The following CPA6 variants were observed in gnomAD, a reference collection of about 807,000 sequenced individuals.
CPA6 encodes the protein carboxypeptidase A6, also known as carboxypeptidase B.
Under a neutral mutation model 63.3 loss-of-function variants are expected in CPA6, and 58 were observed. That is an observed-to-expected ratio of 0.92 (90% confidence interval 0.74 to 1.14). The LOEUF is 1.14. Among genes scored for constraint, CPA6 ranks in the 50% most tolerant of loss-of-function variants. CPA6 has a pLI of 0.00. For missense variants in CPA6, 565 were observed against 526.6 expected, an observed-to-expected ratio of 1.07 and a Z score of -0.71; for synonymous variants, 185 against 179.0, an observed-to-expected ratio of 1.03 and a Z score of -0.27.
intron 1 of CPA6, among the ~76,000 whole-genome samples, chr8:67,627,915 G>C (rs1815229473): frequency 6.6e-6 from 1 of 152,202 alleles, no homozygotes; most frequent in African/African-American, 2.4e-5. Flanking sequence ...TTCTGAGCAT[G>C]TATGCACCTA....
At chr8:67,560,178 T>TATATATATATATATA (rs1564000623) in intron 2 of CPA6, among the ~76,000 whole-genome samples, 18 of 150,350 alleles carry the variant, frequency 1.2e-4, no homozygotes, top group Non-Finnish European at 1.5e-4. Flanking sequence ...TATATATATA[T>TATATATATATATATA]TCCAGATGTA....
chr8:67,514,185 T>C (rs1225262732), intron 3 of CPA6, among the ~76,000 whole-genome samples: 1 of 152,138 alleles, frequency 6.6e-6, no homozygotes, highest in Non-Finnish European at 1.5e-5. Context: ...CTTAAACTTC[T>C]GACCTTAGCT....
intron 1 of CPA6, among the ~76,000 whole-genome samples, chr8:67,629,852 A>T (rs1418963909): frequency 6.6e-6 from 1 of 152,002 alleles, no homozygotes; most frequent in Non-Finnish European, 1.5e-5. Flanking sequence ...CACACCTGTA[A>T]TCCCAGTACT....
intron 1 of CPA6, among the ~76,000 whole-genome samples, chr8:67,687,478 C>T (rs1236722755): frequency 2.0e-5 from 3 of 152,106 alleles, no homozygotes; most frequent in Non-Finnish European, 2.9e-5. Flanking sequence ...CAGACATGGA[C>T]TCATATGCAA....
At chr8:67,679,165 G>T (rs1816540873) in intron 1 of CPA6, among the ~76,000 whole-genome samples, 1 of 152,126 alleles carries the variant, frequency 6.6e-6, no homozygotes. Flanking sequence ...TCATTTAACA[G>T]AACACATATG....
intron 1 of CPA6, among the ~76,000 whole-genome samples, chr8:67,653,173 G>T (rs1157569495): frequency 6.6e-6 from 1 of 150,524 alleles, no homozygotes; most frequent in African/African-American, 2.4e-5. Flanking sequence ...GTCAGGTAGT[G>T]TGATGCCTCC....
rs1417330735 is a variant in CPA6, at chr8:67,555,358, C to T, written c.193-37311G>A. ...TGGCCAATGATTTAATCAATCACGT[C>T]TACATAATGAAACCTTTACAAAGAC... On this transcript the variant is annotated intron_variant, in intron 2 of 10. Coordinates refer to ENST00000297770, the MANE Select transcript of CPA6 (RefSeq NM_020361.5). 3.3e-5 allele frequency among the ~76,000 whole-genome samples: 5 copies of T among 152,122 alleles called. 1 individual carries two copies. Among genetic ancestry groups the T allele is most frequent in the Non-Finnish European group, 5.9e-5 (4 of 68,040 alleles).
At chr8:67,469,946 C>G (rs949971083) in intron 8 of CPA6, among the ~76,000 whole-genome samples, 1 of 152,162 alleles carries the variant, frequency 6.6e-6, no homozygotes, top group African/African-American at 2.4e-5. Flanking sequence ...GTCTCTGCTT[C>G]CCAAGTACCT....
intron 2 of CPA6, among the ~76,000 whole-genome samples, chr8:67,522,952 C>T (rs938228480): frequency 2.0e-5 from 3 of 152,204 alleles, no homozygotes; most frequent in Admixed American, 6.5e-5. Flanking sequence ...TTCTGGCTGA[C>T]AAAGTGGTAC....
At chr8:67,483,363 G>A (rs1451421014) in intron 8 of CPA6, 1 of 236,924 alleles carries the variant, frequency 4.2e-6, no homozygotes, top group Non-Finnish European at 8.4e-6. Context: ...TATAGACAAG[G>A]TCATGACAGC....
At position 67,610,187 on chromosome 8, in the gene CPA6, C is replaced by T. The variant is rs187742952; in HGVS notation, c.192+13989G>A. 3.0e-4 allele frequency among the ~76,000 whole-genome samples: 45 copies of T among 152,252 alleles called. No homozygotes were observed. The East Asian group carries it at 8.5e-3, about 29-fold the overall frequency. ...CCCAGAAGTTCGAGACCAACCTGGG[C>T]AACATGGAAAGACTCTGACTCTACA... On this transcript the variant is annotated intron_variant, in intron 2 of 10. Transcript: ENST00000297770.
At position 67,483,896 on chromosome 8, in the gene CPA6, C is replaced by G. The variant is rs774102553; in HGVS notation, c.748-38G>C. 2.6e-6 allele frequency: 4 copies of G among 1,511,176 alleles called. No individual in the cohort carries two copies. In the African/African-American group the frequency reaches 4.1e-5, roughly 16 times the overall value. The allele number at this position is 1,511,176 out of a possible 1,614,324, so 93.6% of individuals were successfully genotyped here. Reference sequence around the variant, plus strand: ...AAGAAAACAGGTGCTGAGAAAAATACTTAAAAGGTTATTCGCATGCATTTT... The same window carrying G: ...AAGAAAACAGGTGCTGAGAAAAATAGTTAAAAGGTTATTCGCATGCATTTT... On this transcript the variant is annotated intron_variant, in intron 7 of 10. Coordinates refer to ENST00000297770, the MANE Select transcript of CPA6 (RefSeq NM_020361.5).
At position 67,543,576 on chromosome 8, in the gene CPA6, C is replaced by T. The variant is rs931009329; in HGVS notation, c.193-25529G>A. ...GGAGAGCTTGTGGTTCTGAGGCATC[C>T]GTTAAGGGCCTGGGGGTTTCTTGTG... is the stretch of plus-strand genomic sequence containing the variant. On this transcript the variant is annotated intron_variant, in intron 2 of 10. Coordinates refer to ENST00000297770, the MANE Select transcript of CPA6 (RefSeq NM_020361.5). Among the ~76,000 whole-genome samples the T allele has an allele frequency of 1.3e-4, 20 of 152,058 alleles. 1 individual carries two copies. The highest frequency in any genetic ancestry group is 7.2e-4 in the Admixed American group (11 of 15,268).
chr8:67,580,561 T>A (rs1813745066), intron 2 of CPA6, among the ~76,000 whole-genome samples: 1 of 152,218 alleles, frequency 6.6e-6, no homozygotes, highest in Non-Finnish European at 1.5e-5. Context: ...TATGTTTACC[T>A]AAGTTGATAA....
intron 8 of CPA6, among the ~76,000 whole-genome samples, chr8:67,434,457 A>G (rs1810100050): frequency 6.6e-6 from 1 of 152,254 alleles, no homozygotes. Context: ...GAAACCAGGT[A>G]GTGATTTTTC....
At chr8:67,449,800 C>A (rs1810513622) in intron 8 of CPA6, among the ~76,000 whole-genome samples, 1 of 148,578 alleles carries the variant, frequency 6.7e-6, no homozygotes, top group African/African-American at 2.5e-5. Context: ...ATCAGTCACC[C>A]AAGCCATCTC....
chr8:67,534,712 ATCTT>A (rs1435351516), intron 2 of CPA6, among the ~76,000 whole-genome samples: 2 of 152,132 alleles, frequency 1.3e-5, no homozygotes, highest in Non-Finnish European at 2.9e-5. Context: ...TTTGAAAAAT[ATCTT>A]TTTTTTTTAA....
At chr8:67,712,263 G>T (rs557022156) in intron 1 of CPA6, among the ~76,000 whole-genome samples, 3 of 152,236 alleles carry the variant, frequency 2.0e-5, no homozygotes, top group South Asian at 2.1e-4. Context: ...GCCTTGGAGG[G>T]TCTGGCACTG....
intron 1 of CPA6, among the ~76,000 whole-genome samples, chr8:67,652,385 C>T (rs1273214197): frequency 6.6e-6 from 1 of 152,154 alleles, no homozygotes; most frequent in Non-Finnish European, 1.5e-5. Context: ...CCTATTTCTC[C>T]ACATCTTCTC....
Sources: allele counts gnomAD v4.1 joint callset (sites outside exome capture counted in the v4.1 genomes callset), GRCh38; gene constraint gnomAD v4.1.1; transcripts MANE v1.5; gene names NCBI Gene and HGNC (gene_info 2026-07-23, HGNC 2026-07-21).